The following DOCK8 variants were observed in gnomAD, a reference collection of about 807,000 sequenced individuals.
DOCK8 encodes dedicator of cytokinesis protein 8.
In DOCK8, 141 loss-of-function variants were observed where a neutral mutation model predicts 245.6. That is an observed-to-expected ratio of 0.57 (90% CI 0.50 to 0.66). The LOEUF (loss-of-function observed/expected upper bound fraction) is 0.66. DOCK8 is among the 30% of genes least tolerant of loss of function. DOCK8 has a pLI of 0.00. For synonymous variants in DOCK8, 1,168 were observed against 970.2 expected, an observed-to-expected ratio of 1.20 and a Z score of -3.79; for missense variants, 2,965 against 2,603.4, an observed-to-expected ratio of 1.14 and a Z score of -3.02.
At chr9:281,314 TG>T (rs1285246377) in intron 2 of DOCK8, among the ~76,000 whole-genome samples, 1 of 152,224 alleles carries the variant, frequency 6.6e-6, no homozygotes, top group African/African-American at 2.4e-5. Flanking sequence ...ATATAACGAA[TG>T]ATATGCATAC....
intron 30 of DOCK8, 137 bp from the exon 31 acceptor site, chr9:420,264 C>A: frequency 1.0e-6 from 1 of 964,376 alleles, no homozygotes; most frequent in Non-Finnish European, 1.6e-6. Context: ...AATAGATCTC[C>A]AGCCTAGCAG....
intron 23 of DOCK8, among the ~76,000 whole-genome samples, chr9:387,585 C>G (rs960070571): frequency 6.6e-6 from 1 of 152,128 alleles, no homozygotes; most frequent in African/African-American, 2.4e-5. Flanking sequence ...TCCCTTTGGA[C>G]TGGATGAGGG....
chr9:273,084 CTG>C (rs1387422694), intron 2 of DOCK8: 12 of 985,292 alleles, frequency 1.2e-5, no homozygotes, highest in African/African-American at 1.7e-5. Context: ...CGCCGTGTAA[CTG>C]TGAATCTTTC....
intron 20 of DOCK8, among the ~76,000 whole-genome samples, chr9:378,754 C>T (rs551307897): frequency 4.5e-4 from 69 of 152,320 alleles, no homozygotes; most frequent in African/African-American, 1.6e-3. Context: ...TTGGCATAGG[C>T]AGAATAAGTG....
chr9:388,060 A>T (rs763167636), intron 23 of DOCK8, among the ~76,000 whole-genome samples: 4 of 152,208 alleles, frequency 2.6e-5, no homozygotes, highest in Non-Finnish European at 5.9e-5. Flanking sequence ...GAATTACTTT[A>T]AGAAGCAGCT....
intron 1 of DOCK8, among the ~76,000 whole-genome samples, chr9:226,224 AGG>A (rs1321427140): frequency 2.0e-5 from 3 of 152,182 alleles, no homozygotes; most frequent in Admixed American, 2.0e-4. Context: ...GAGCGTGTGC[AGG>A]GGAATTGCCC....
chr9:441,745 T>C, intron 41 of DOCK8, 130 bp from the exon 42 acceptor site: 1 of 1,197,348 alleles, frequency 8.4e-7, no homozygotes, highest in Non-Finnish European at 1.2e-6. Flanking sequence ...TTTTAAGGAG[T>C]AATTTCTGTT....
Position 441,351 on chromosome 9 carries a change from A to G in DOCK8, c.5289A>G (p.Arg1763=). 1 of 1,614,224 alleles carries G rather than the reference A, an allele frequency of 6.2e-7. No individual in the cohort carries two copies. Among genetic ancestry groups the G allele is most frequent in the South Asian group, 1.1e-5 (1 of 91,086 alleles). ...KLVIPILEAH[R]EFRKLTLTHS... ...TCATCCCCATCCTAGAAGCGCATCG[A>G]GAATTCCGGAAGCTGACACTCACTC... is the stretch of plus-strand genomic sequence containing the variant. The change falls in exon 41 of 48, where the codon CGA becomes CGG. Residue 1763 remains arginine, a synonymous_variant. Transcript: ENST00000432829.
At chr9:411,490 C>T (rs2055727486) in intron 28 of DOCK8, among the ~76,000 whole-genome samples, 2 of 152,052 alleles carry the variant, frequency 1.3e-5, no homozygotes, top group Admixed American at 1.3e-4. Context: ...GGGGGCTTTA[C>T]TGATGAATTC....
At chr9:238,757 T>G (rs1043638331) in intron 1 of DOCK8, among the ~76,000 whole-genome samples, 2 of 152,194 alleles carry the variant, frequency 1.3e-5, no homozygotes, top group African/African-American at 4.8e-5. Flanking sequence ...AAAAGACTCC[T>G]AATATTAAAC....
intron 11 of DOCK8, among the ~76,000 whole-genome samples, chr9:336,309 T>C (rs1411186708): frequency 2.0e-5 from 3 of 152,232 alleles, no homozygotes; most frequent in African/African-American, 4.8e-5. Context: ...CTCTGGACTC[T>C]TGCCGGGTGG....
At chr9:458,704 G>A (rs1330253226) in intron 46 of DOCK8, among the ~76,000 whole-genome samples, 2 of 152,110 alleles carry the variant, frequency 1.3e-5, no homozygotes, top group South Asian at 2.1e-4. Flanking sequence ...CCAACTGCTC[G>A]GGAAGCTGAG....
chr9:414,055 T>C (rs1297531061), intron 28 of DOCK8, among the ~76,000 whole-genome samples: 1 of 151,888 alleles, frequency 6.6e-6, no homozygotes, highest in Non-Finnish European at 1.5e-5. Flanking sequence ...GTCAGAAGAA[T>C]TGCTTGAACC....
chr9:316,920 G>GA (rs34551357), intron 6 of DOCK8, 123 bp from the exon 7 acceptor site: 39 of 794,026 alleles, frequency 4.9e-5, no homozygotes, highest in Non-Finnish European at 7.7e-5. Context: ...CAGAGTGTTA[G>GA]AAAAAAAGCA....
intron 29 of DOCK8, among the ~76,000 whole-genome samples, chr9:415,195 T>A (rs944900331): frequency 6.6e-6 from 1 of 152,230 alleles, no homozygotes; most frequent in African/African-American, 2.4e-5. Context: ...ATTCATTTAT[T>A]CATTCATTGA....
chr9:334,130 G>T lies in DOCK8; in HGVS notation c.1126-95G>T. On this transcript the variant is annotated intron_variant, in intron 10 of 47. Transcript: ENST00000432829. Reference sequence around the variant, plus strand: ...GTTTTTACTCTTTTTAATCAGTAGGGTTTGGATTTTGGAGATGGCTGTCAT... The same window carrying T: ...GTTTTTACTCTTTTTAATCAGTAGGTTTTGGATTTTGGAGATGGCTGTCAT... The T allele has an allele frequency of 2.9e-6, 4 of 1,378,492 alleles. No homozygotes were observed. The Admixed American group carries it at 7.1e-5, about 24-fold the overall frequency. 85.4% of individuals were successfully genotyped at this position (1,378,492 alleles called of 1,614,324 possible).
chr9:393,643 G>A (rs1341720146), intron 24 of DOCK8, among the ~76,000 whole-genome samples: 1 of 152,134 alleles, frequency 6.6e-6, no homozygotes, highest in Admixed American at 6.5e-5. Context: ...AAAGCACATG[G>A]CCCATCTTAC....
intron 34 of DOCK8, 88 bp from the exon 35 acceptor site, chr9:428,274 C>T: frequency 6.2e-7 from 1 of 1,602,328 alleles, no homozygotes; most frequent in South Asian, 1.1e-5. Context: ...GGACATGGAA[C>T]ATCAGCATTA....
At chr9:400,368 C>T (rs1473927552) in intron 26 of DOCK8, among the ~76,000 whole-genome samples, 2 of 102,920 alleles carry the variant, frequency 1.9e-5, no homozygotes, top group Admixed American at 9.6e-5. Context: ...CCACCATCAC[C>T]ACCTCCTTCA....
Sources: gnomAD v4.1 joint callset for allele counts (sites outside exome capture counted in the v4.1 genomes callset) on GRCh38, gnomAD v4.1.1 for gene constraint, MANE v1.5 for transcripts, NCBI Gene and HGNC (gene_info 2026-07-23, HGNC 2026-07-21) for gene names.